Variants in MCC observed in about 807,000 individuals in gnomAD.
MCC encodes colorectal mutant cancer protein.
MCC carries 90 observed loss-of-function variants against 116.2 expected under a neutral mutation model. The ratio of observed to expected loss-of-function variants is 0.77; its 90% confidence interval spans 0.65 to 0.92. The LOEUF is 0.92. MCC is among the 40% of genes least tolerant of loss of function. The pLI, the probability that MCC is intolerant of heterozygous loss-of-function variation, is 0.00. For missense variants in MCC, 1,516 were observed against 1,312.2 expected (o/e 1.16, Z -2.40); for synonymous variants, 578 against 510.5 (o/e 1.13, Z -1.78).
intron 3 of MCC, among the ~76,000 whole-genome samples, chr5:113,224,275 T>C (rs990461159): frequency 6.6e-6 from 1 of 152,066 alleles, no homozygotes; most frequent in African/African-American, 2.4e-5. Context: ...GTGTTTTTAG[T>C]AGAGATGGGG....
Position 113,477,801 on chromosome 5 carries a change from A to G in MCC, c.170+10444T>C, listed in dbSNP as rs147979570. Among the ~76,000 whole-genome samples the G allele has an allele frequency of 5.9e-5, 9 of 152,324 alleles. No homozygotes were observed. In the East Asian group the frequency reaches 1.7e-3, roughly 29 times the overall value. On this transcript the variant is annotated intron_variant, in intron 1 of 18. Transcript: ENST00000408903. ...AAGCTTAAAGGCAAGCTTCCAAAAG[A>G]GCCAAACTCAACTGCAAGCCACAAC...
chr5:113,029,422 C>T (rs1561730838), intron 17 of MCC, among the ~76,000 whole-genome samples: 1 of 151,004 alleles, frequency 6.6e-6, no homozygotes, highest in African/African-American at 2.4e-5. Context: ...TCTCCATCCC[C>T]TTCTTTTTCA....
rs547444548 is a variant in MCC, at chr5:113,208,052, C to G, written c.628-56630G>C. On this transcript the variant is annotated intron_variant, in intron 3 of 18. Transcript: ENST00000408903. ...AGCACAGATAATAATCCCATACTTT[C>G]CACTTTGTATGATGATTACAACTTC... is the stretch of plus-strand genomic sequence containing the variant. 1.2e-4 allele frequency among the ~76,000 whole-genome samples: 19 copies of G among 152,166 alleles called. No homozygotes were observed. The South Asian group carries it at 3.9e-3, about 32-fold the overall frequency.
chr5:113,231,589 T>G (rs188103670), intron 3 of MCC, among the ~76,000 whole-genome samples: 17 of 152,238 alleles, frequency 1.1e-4, no homozygotes, highest in Admixed American at 3.9e-4. Context: ...GTTAATGAGC[T>G]TTCTCATTAA....
chr5:113,198,603 T>C lies in MCC; in HGVS notation c.628-47181A>G, dbSNP rs1405696724. On this transcript the variant is annotated intron_variant, in intron 3 of 18. Coordinates refer to ENST00000408903, the MANE Select transcript of MCC (RefSeq NM_001085377.2). Reference sequence around the variant, plus strand: ...CCTGTGGTCCCAGCTACTCGGCAGGTTGAGGCAGGAGGATCTCTTGAGCCT... The same window carrying C: ...CCTGTGGTCCCAGCTACTCGGCAGGCTGAGGCAGGAGGATCTCTTGAGCCT... Among the ~76,000 whole-genome samples the C allele has an allele frequency of 3.4e-5, 5 of 148,698 alleles. No homozygotes were observed. The East Asian group carries it at 8.0e-4, about 24-fold the overall frequency.
chr5:113,410,848 C>T (rs1316617853), intron 1 of MCC, among the ~76,000 whole-genome samples: 1 of 152,166 alleles, frequency 6.6e-6, no homozygotes, highest in Non-Finnish European at 1.5e-5. Context: ...TGAGTGAGAA[C>T]ACATGGTGTT....
At chr5:113,431,323 A>G (rs894269262) in intron 1 of MCC, among the ~76,000 whole-genome samples, 2 of 152,140 alleles carry the variant, frequency 1.3e-5, no homozygotes, top group Non-Finnish European at 2.9e-5. Flanking sequence ...AGTGATTTAC[A>G]CTTCTGGATG....
At chr5:113,395,931 A>G (rs2150396972) in intron 1 of MCC, among the ~76,000 whole-genome samples, 1 of 152,328 alleles carries the variant, frequency 6.6e-6, no homozygotes, top group Admixed American at 6.5e-5. Flanking sequence ...AGGCAGCATC[A>G]GTATTTGTTA....
chr5:113,223,854 A>G (rs1427011707), intron 3 of MCC, among the ~76,000 whole-genome samples: 2 of 152,106 alleles, frequency 1.3e-5, no homozygotes. Flanking sequence ...TTTTCAGTAC[A>G]TCTAGCCCAA....
chr5:113,070,965 C>T (rs1266786803), intron 12 of MCC, 129 bp downstream of exon 12: 13 of 955,440 alleles, frequency 1.4e-5, no homozygotes, highest in South Asian at 2.1e-5. Context: ...CTGTCCAAAC[C>T]GCCAGATATG....
chr5:113,316,798 G>C (rs1382476220), intron 3 of MCC, among the ~76,000 whole-genome samples: 1 of 152,110 alleles, frequency 6.6e-6, no homozygotes, highest in Non-Finnish European at 1.5e-5. Context: ...AAATAACATA[G>C]CATTCAGCCC....
chr5:113,203,526 C>A (rs1370825854), intron 3 of MCC, among the ~76,000 whole-genome samples: 1 of 151,814 alleles, frequency 6.6e-6, no homozygotes, highest in African/African-American at 2.4e-5. Flanking sequence ...CTGACCTGCC[C>A]GGGGGGCCAC....
At chr5:113,313,623 C>G (rs1460320524) in intron 3 of MCC, among the ~76,000 whole-genome samples, 5 of 152,148 alleles carry the variant, frequency 3.3e-5, no homozygotes, top group African/African-American at 4.8e-5. Context: ...CAGTATTGGC[C>G]TTCAGCTATT....
At chr5:113,262,952 G>A (rs1294084618) in intron 3 of MCC, among the ~76,000 whole-genome samples, 1 of 151,848 alleles carries the variant, frequency 6.6e-6, no homozygotes, top group Non-Finnish European at 1.5e-5. Flanking sequence ...TGGCTAACGA[G>A]GCCATCAAAT....
chr5:113,411,701 T>A (rs950637034), intron 1 of MCC, among the ~76,000 whole-genome samples: 28 of 151,980 alleles, frequency 1.8e-4, no homozygotes, highest in African/African-American at 7.3e-5. Context: ...TAAAAAAAAA[T>A]TTTCTCCCAT....
At chr5:113,178,926 T>TAAC (rs59517286) in intron 3 of MCC, among the ~76,000 whole-genome samples, 129,333 of 152,240 alleles carry the variant, frequency 0.85, 55,422 homozygotes, top group East Asian at 0.96. Flanking sequence ...AAAAATCTTA[T>TAAC]AATATTTACA....
Position 113,085,218 on chromosome 5 carries a change from G to C in MCC, c.1491C>G (p.Pro497=). Residue 497 remains proline (P), a synonymous_variant, in exon 9 of 19, where the codon CCC becomes CCG. Coordinates refer to ENST00000408903, the MANE Select transcript of MCC (RefSeq NM_001085377.2). ...TGCTTGTGCTCAGCTCCCCAGTGCT[G>C]GGGTTAATCGGGCGGTTGGTGGAAG... ...RLTSTNRPIN[P]STGELSTSSS... 6.2e-7 allele frequency: 1 copy of C among 1,614,228 alleles called. No individual in the cohort carries two copies. The highest frequency in any genetic ancestry group is 8.5e-7 in the Non-Finnish European group (1 of 1,180,044).
chr5:113,411,534 T>C (rs1016301616), intron 1 of MCC, among the ~76,000 whole-genome samples: 1 of 151,698 alleles, frequency 6.6e-6, no homozygotes, highest in African/African-American at 2.4e-5. Flanking sequence ...GTAAAAAGCA[T>C]GCATTCTCTC....
intron 3 of MCC, among the ~76,000 whole-genome samples, chr5:113,188,036 A>G (rs1338128619): frequency 1.3e-5 from 2 of 152,156 alleles, no homozygotes; most frequent in African/African-American, 4.8e-5. Context: ...AAGTAAACCA[A>G]GCCATAAATG....
Sources: gnomAD v4.1 joint callset for allele counts (sites outside exome capture counted in the v4.1 genomes callset) on GRCh38, gnomAD v4.1.1 for gene constraint, MANE v1.5 for transcripts, NCBI Gene and HGNC (gene_info 2026-07-23, HGNC 2026-07-21) for gene names.